Variants in SESTD1 observed in about 807,000 individuals in gnomAD.
SESTD1 encodes SEC14 domain and spectrin repeat-containing protein 1.
SESTD1 carries 43 observed loss-of-function variants against 101.7 expected under a neutral mutation model. The ratio of observed to expected loss-of-function variants is 0.42; its 90% CI spans 0.33 to 0.55. The LOEUF (loss-of-function observed/expected upper bound fraction) is 0.55. Among genes scored for constraint, SESTD1 ranks in the 20% least tolerant of loss-of-function variants. The probability of loss-of-function intolerance (pLI) is 0.07; values close to 1 mark genes in which losing one functional copy is unlikely to be tolerated. For missense variants in SESTD1, 647 were observed against 815.1 expected, an observed-to-expected ratio of 0.79 and a Z score of 2.51; for synonymous variants, 283 against 286.8, an observed-to-expected ratio of 0.99 and a Z score of 0.13.
At chr2:179,218,279 G>C (rs936931528) in intron 1 of SESTD1, among the ~76,000 whole-genome samples, 6 of 147,316 alleles carry the variant, frequency 4.1e-5, no homozygotes, top group African/African-American at 1.3e-4. Flanking sequence ...ATAATAAAGA[G>C]TAGAAAGAAA....
chr2:179,262,575 G>T (rs562279893), intron 1 of SESTD1, among the ~76,000 whole-genome samples: 4 of 152,210 alleles, frequency 2.6e-5, no homozygotes, highest in Admixed American at 6.5e-5. Context: ...CTATACAGAT[G>T]AATGGTATTT....
intron 9 of SESTD1, among the ~76,000 whole-genome samples, chr2:179,139,398 T>C (rs878885992): frequency 1.3e-5 from 2 of 152,030 alleles, no homozygotes; most frequent in Admixed American, 1.3e-4. Context: ...CCTATAAACT[T>C]TATAAAATTA....
chr2:179,160,220 T>C (rs1323568810), intron 5 of SESTD1, among the ~76,000 whole-genome samples: 1 of 152,076 alleles, frequency 6.6e-6, no homozygotes, highest in Non-Finnish European at 1.5e-5. Context: ...AAGAACAAAA[T>C]TAGAAAAGAT....
In SESTD1 at chr2:179,108,602, T is replaced by C. The variant is rs2044439297; in HGVS notation, c.*1297A>G. On this transcript the variant is annotated 3_prime_UTR_variant, in exon 18 of 18. Coordinates refer to ENST00000428443, the MANE Select transcript of SESTD1 (RefSeq NM_178123.5). ...CTAGCAGGTTAAAAGGGAGGGGTTT[T>C]TTTTTTGCATTGGAAGATACACGAG... 6.6e-6 allele frequency: 1 copy of C among 151,802 alleles called. No individual in the cohort carries two copies. Among genetic ancestry groups the C allele is most frequent in the African/African-American group, 2.4e-5 (1 of 41,360 alleles). 9.4% of individuals were successfully genotyped at this position (151,802 alleles called of 1,614,324 possible).
intron 1 of SESTD1, among the ~76,000 whole-genome samples, chr2:179,253,526 A>G (rs1333114385): frequency 6.6e-6 from 1 of 152,218 alleles, no homozygotes; most frequent in Non-Finnish European, 1.5e-5. Flanking sequence ...TTCTAAAACA[A>G]AAAGTATATT....
intron 1 of SESTD1, among the ~76,000 whole-genome samples, chr2:179,232,674 T>C (rs1023936108): frequency 6.6e-6 from 1 of 152,198 alleles, no homozygotes; most frequent in South Asian, 2.1e-4. Context: ...TGGAGTACTA[T>C]GCAGCTCTAA....
At chr2:179,141,412 G>T (rs974648844) in intron 9 of SESTD1, among the ~76,000 whole-genome samples, 1 of 151,942 alleles carries the variant, frequency 6.6e-6, no homozygotes, top group Non-Finnish European at 1.5e-5. Context: ...ACAGCTGTTT[G>T]TGTCATCATG....
intron 6 of SESTD1, among the ~76,000 whole-genome samples, chr2:179,149,963 C>A (rs2045482213): frequency 6.6e-6 from 1 of 152,204 alleles, no homozygotes; most frequent in Non-Finnish European, 1.5e-5. Context: ...TGCAGTAGCT[C>A]ATGCCTGTAA....
intron 8 of SESTD1, among the ~76,000 whole-genome samples, chr2:179,145,638 T>C (rs2045378686): frequency 6.6e-6 from 1 of 152,238 alleles, no homozygotes. Context: ...CACTATGTGC[T>C]TGCACTATGT....
intron 3 of SESTD1, among the ~76,000 whole-genome samples, chr2:179,178,158 G>A (rs948921781): frequency 5.3e-5 from 8 of 152,106 alleles, no homozygotes; most frequent in African/African-American, 7.2e-5. Context: ...AAAAATCACC[G>A]AATTGTCTAC....
intron 7 of SESTD1, among the ~76,000 whole-genome samples, chr2:179,147,365 GTT>G (rs113504437): frequency 5.0e-5 from 7 of 141,144 alleles, no homozygotes; most frequent in Non-Finnish European, 4.7e-5. Flanking sequence ...TTGTTTTTTT[GTT>G]TTTTTTTTTT....
intron 5 of SESTD1, among the ~76,000 whole-genome samples, chr2:179,151,711 A>G (rs1484768403): frequency 6.6e-6 from 1 of 152,208 alleles, no homozygotes; most frequent in Admixed American, 6.5e-5. Context: ...ATGAAGTAAT[A>G]AAAAATTTTC....
In SESTD1 at chr2:179,104,080, T is replaced by C. The variant is rs895027242; in HGVS notation, c.*5819A>G. 2.4e-4 allele frequency: 36 copies of C among 152,258 alleles called. No homozygotes were observed. Among genetic ancestry groups the C allele is most frequent in the African/African-American group, 8.2e-4 (34 of 41,558 alleles). 9.4% of individuals were successfully genotyped at this position (152,258 alleles called of 1,614,324 possible). A position where few individuals can be genotyped will look rare whatever the true frequency, so the allele number is the denominator to read the frequency against. ...TTCATAACAAGATGTTGGGTAAAAA[T>C]ACAGGGTGCAATGTTTACCAAATAG... On this transcript the variant is annotated 3_prime_UTR_variant, in exon 18 of 18. Transcript: ENST00000428443.
chr2:179,245,995 G>A (rs1395317421), intron 1 of SESTD1, among the ~76,000 whole-genome samples: 1 of 152,100 alleles, frequency 6.6e-6, no homozygotes, highest in East Asian at 1.9e-4. Flanking sequence ...AGTGGCTCAC[G>A]CCTATAATCG....
At chr2:179,239,586 C>T (rs1311439142) in intron 1 of SESTD1, among the ~76,000 whole-genome samples, 4 of 152,094 alleles carry the variant, frequency 2.6e-5, no homozygotes, top group Non-Finnish European at 4.4e-5. Flanking sequence ...CAGTTCAAAT[C>T]AACTGAATGA....
At position 179,172,209 on chromosome 2, in the gene SESTD1, G is replaced by A; in HGVS notation, c.280C>T (p.Leu94Phe). The change falls in exon 5 of 18, where the codon CTT (leucine) becomes TTT (phenylalanine). Residue 94 changes from leucine (L) to phenylalanine (F), a missense_variant. Leu to Phe is a conservative substitution (Grantham distance 22, BLOSUM62 0). Around this residue, in one of 3 missense-constraint regions of SESTD1, gnomAD observed 168 missense variants for 235.1 expected, o/e 0.71. Coordinates refer to ENST00000428443, the MANE Select transcript of SESTD1 (RefSeq NM_178123.5). ...TCATCTGGCTTTACCACACAAACAA[G>A]GGACACCTCAGCTGGAACAACATTC... is the stretch of plus-strand genomic sequence containing the variant. ...LQNVVPAEVS[L>F]VCVVKPDEFW... The A allele has an allele frequency of 6.2e-7, 1 of 1,605,174 alleles. No homozygotes were observed. Among genetic ancestry groups the A allele is most frequent in the South Asian group, 1.1e-5 (1 of 89,472 alleles).
chr2:179,144,436 T>A (rs1186008599), intron 8 of SESTD1, among the ~76,000 whole-genome samples: 1 of 152,124 alleles, frequency 6.6e-6, no homozygotes, highest in Non-Finnish European at 1.5e-5. Context: ...CGGGCCATAC[T>A]AGTGTTAGAA....
At chr2:179,251,164 C>T (rs2047311073) in intron 1 of SESTD1, among the ~76,000 whole-genome samples, 1 of 151,964 alleles carries the variant, frequency 6.6e-6, no homozygotes, top group Non-Finnish European at 1.5e-5. Flanking sequence ...AAACCAATCC[C>T]AAAAATATAT....
chr2:179,149,513 T>C lies in SESTD1; in HGVS notation c.484-119A>G, dbSNP rs1034153507. 8 of 606,214 alleles carry C rather than the reference T, an allele frequency of 1.3e-5. No individual in the cohort carries two copies. In the African/African-American group the frequency reaches 1.5e-4, roughly 12 times the overall value. 37.6% of individuals were successfully genotyped at this position (606,214 alleles called of 1,614,324 possible). A position where few individuals can be genotyped will look rare whatever the true frequency, so the allele number is the denominator to read the frequency against. On this transcript the variant is annotated intron_variant, in intron 6 of 17. Transcript: ENST00000428443. ...AGGATATGTTTTCCTTCCCCAGCAG[T>C]TCGTGCAATTCTACCACCAGAGCAC... is the stretch of plus-strand genomic sequence containing the variant.
Sources: allele counts gnomAD v4.1 joint callset (sites outside exome capture counted in the v4.1 genomes callset), GRCh38; gene constraint gnomAD v4.1.1; regional missense constraint gnomAD v4.1.1; transcripts MANE v1.5; gene names NCBI Gene and HGNC (gene_info 2026-07-23, HGNC 2026-07-21).